Variants in WDPCP observed in about 807,000 individuals in gnomAD.
WDPCP encodes WD repeat containing planar cell polarity effector, also known as WD repeat-containing and planar cell polarity effector protein fritz homolog.
In WDPCP, 71 loss-of-function variants were observed where a neutral mutation model predicts 93.1. The observed-to-expected ratio is 0.76, with a 90% CI of 0.63 to 0.93. The LOEUF is 0.93. WDPCP is among the 40% of genes least tolerant of loss of function. WDPCP has a pLI of 0.00. For missense variants in WDPCP, 844 were observed against 887.4 expected (o/e 0.95, Z 0.62); for synonymous variants, 315 against 315.0 (o/e 1.00, Z 0.00).
intron 1 of WDPCP, among the ~76,000 whole-genome samples, chr2:63,574,856 C>T (rs921839633): frequency 6.6e-6 from 1 of 152,068 alleles, no homozygotes; most frequent in Non-Finnish European, 1.5e-5. Context: ...AAATTATGTC[C>T]TGTAAAATGG....
At chr2:63,231,674 T>C (rs1574939506) in intron 14 of WDPCP, among the ~76,000 whole-genome samples, 49 of 146,762 alleles carry the variant, frequency 3.3e-4, no homozygotes, top group South Asian at 8.7e-4. Context: ...CTTGATGAAA[T>C]AAAAGAGGAC....
intron 14 of WDPCP, 101 bp downstream of exon 14, chr2:63,259,206 A>G (rs1171759105): frequency 1.0e-6 from 1 of 1,003,084 alleles, no homozygotes; most frequent in Non-Finnish European, 1.5e-6. Flanking sequence ...TTTACAAACA[A>G]AGTAATTCAA....
At chr2:63,527,213 G>A (rs1703404447) in intron 1 of WDPCP, among the ~76,000 whole-genome samples, 1 of 149,898 alleles carries the variant, frequency 6.7e-6, no homozygotes, top group South Asian at 2.1e-4. Flanking sequence ...AGAGCAAAGG[G>A]CAGGCATGCT....
chr2:63,675,804 T>C (rs548290579), intron 2 of WDPCP, among the ~76,000 whole-genome samples: 2 of 152,336 alleles, frequency 1.3e-5, no homozygotes, highest in South Asian at 2.1e-4. Flanking sequence ...AGACCAAATA[T>C]ATGAAATAAT....
At chr2:63,584,567 A>G (rs1246966880) in intron 1 of WDPCP, among the ~76,000 whole-genome samples, 1 of 151,844 alleles carries the variant, frequency 6.6e-6, no homozygotes, top group Non-Finnish European at 1.5e-5. Flanking sequence ...TGTTCTATTC[A>G]TTTTCAATAT....
At chr2:63,484,870 A>C (rs1558696554) in intron 5 of WDPCP, 47 bp downstream of exon 5, 1 of 1,594,536 alleles carries the variant, frequency 6.3e-7, no homozygotes, top group Admixed American at 1.7e-5. Flanking sequence ...AAGATGTTTT[A>C]AAAACAGATT....
chr2:63,270,948 T>C (rs1198633436), intron 13 of WDPCP, among the ~76,000 whole-genome samples: 1 of 152,180 alleles, frequency 6.6e-6, no homozygotes, highest in African/African-American at 2.4e-5. Context: ...AGAAATGATA[T>C]GCTTCTCTGG....
chr2:63,670,689 T>C (rs149866513), intron 2 of WDPCP, among the ~76,000 whole-genome samples: 4 of 152,292 alleles, frequency 2.6e-5, no homozygotes, highest in Non-Finnish European at 5.9e-5. Flanking sequence ...CAACAGTTAC[T>C]GGAGACTATG....
intron 10 of WDPCP, among the ~76,000 whole-genome samples, chr2:63,401,442 T>C (rs2105149636): frequency 6.6e-6 from 1 of 152,260 alleles, no homozygotes; most frequent in East Asian, 1.9e-4. Context: ...AAAACCACAA[T>C]GAGATACATC....
intron 2 of WDPCP, among the ~76,000 whole-genome samples, chr2:63,808,492 C>T (rs1670805745): frequency 6.6e-6 from 1 of 152,348 alleles, no homozygotes; most frequent in East Asian, 1.9e-4. Context: ...CGGGCACGCG[C>T]TGCCACGCCT....
intron 6 of WDPCP, among the ~76,000 whole-genome samples, chr2:63,471,041 T>C (rs1483185798): frequency 1.3e-5 from 2 of 152,154 alleles, no homozygotes; most frequent in Non-Finnish European, 2.9e-5. Context: ...TGCCCTACCA[T>C]CCCCCATCAT....
At chr2:63,646,315 T>C (rs1575737875) in intron 3 of WDPCP, among the ~76,000 whole-genome samples, 1 of 152,146 alleles carries the variant, frequency 6.6e-6, no homozygotes, top group East Asian at 1.9e-4. Context: ...CTTCCTCCCA[T>C]GCTTTTCAAC....
chr2:63,354,716 G>A (rs1206838282), intron 12 of WDPCP, among the ~76,000 whole-genome samples: 1 of 84,744 alleles, frequency 1.2e-5, no homozygotes, highest in Non-Finnish European at 2.8e-5. Context: ...ATATATGTAT[G>A]TGTGTGTGTG....
At chr2:63,731,491 CA>C (rs1252041259) in intron 2 of WDPCP, among the ~76,000 whole-genome samples, 3 of 152,084 alleles carry the variant, frequency 2.0e-5, no homozygotes, top group Non-Finnish European at 4.4e-5. Context: ...CATCACCCCA[CA>C]AGGCAACCCT....
At chr2:63,287,437 C>A (rs907688975) in intron 13 of WDPCP, among the ~76,000 whole-genome samples, 83 of 151,924 alleles carry the variant, frequency 5.5e-4, no homozygotes, top group African/African-American at 1.9e-3. Context: ...GTTGTAACAC[C>A]CTAATTATTC....
intron 2 of WDPCP, among the ~76,000 whole-genome samples, chr2:63,695,274 C>T (rs1283067366): frequency 1.3e-5 from 2 of 152,060 alleles, no homozygotes; most frequent in African/African-American, 4.8e-5. Context: ...TATTTCCTTC[C>T]AAGACTACAT....
At chr2:63,145,973 T>A (rs1448737820) in intron 17 of WDPCP, among the ~76,000 whole-genome samples, 1 of 152,216 alleles carries the variant, frequency 6.6e-6, no homozygotes, top group Admixed American at 6.5e-5. Flanking sequence ...GTAACAATTG[T>A]GAATGGGATT....
At chr2:63,302,443 T>G (rs1198320398) in intron 13 of WDPCP, among the ~76,000 whole-genome samples, 6 of 152,210 alleles carry the variant, frequency 3.9e-5, no homozygotes, top group Admixed American at 1.3e-4. Context: ...TTTTTCCTTC[T>G]TTCATGGTTT....
Position 63,412,035 on chromosome 2 carries a change from C to T in WDPCP, c.826-7378G>A, listed in dbSNP as rs558600158. ...CCTTCCCTACTTCATTCTATGAAGCCGGCATCACCCTAATACCAAAACCAG... is the reference window on the plus strand; with the variant it reads ...CCTTCCCTACTTCATTCTATGAAGCTGGCATCACCCTAATACCAAAACCAG... On this transcript the variant is annotated intron_variant, in intron 9 of 17. Coordinates refer to ENST00000272321, the MANE Select transcript of WDPCP (RefSeq NM_015910.7). Among the ~76,000 whole-genome samples the T allele has an allele frequency of 3.0e-4, 45 of 152,158 alleles. No individual in the cohort carries two copies. The Middle Eastern group carries it at 0.01, about 35-fold the overall frequency.
Sources: gnomAD v4.1 joint callset for allele counts (sites outside exome capture counted in the v4.1 genomes callset) on GRCh38, gnomAD v4.1.1 for gene constraint, MANE v1.5 for transcripts, NCBI Gene and HGNC (gene_info 2026-07-23, HGNC 2026-07-21) for gene names.